Variants in PGAP1 observed in about 807,000 individuals in gnomAD.
PGAP1 encodes post-GPI attachment to proteins inositol deacylase 1, also known as GPI inositol-deacylase.
A neutral mutation model predicts 127.0 loss-of-function variants in PGAP1; 76 were observed. The observed-to-expected ratio is 0.60, with a 90% CI of 0.50 to 0.72. PGAP1 has a LOEUF of 0.72. PGAP1 is among the 30% of genes least tolerant of loss of function. PGAP1 has a pLI of 0.00. For synonymous variants in PGAP1, 362 were observed against 366.5 expected (o/e 0.99, Z 0.14); for missense variants, 982 against 1,071.3 (o/e 0.92, Z 1.16).
At chr2:196,900,828 G>A (rs1249425678) in intron 5 of PGAP1, among the ~76,000 whole-genome samples, 1 of 152,218 alleles carries the variant, frequency 6.6e-6, no homozygotes, top group East Asian at 1.9e-4. Context: ...TCGGGAGGCT[G>A]AGGCAGGAGA....
chr2:196,904,735 A>G (rs1559366183), intron 4 of PGAP1, among the ~76,000 whole-genome samples: 4 of 152,114 alleles, frequency 2.6e-5, no homozygotes, highest in African/African-American at 9.7e-5. Flanking sequence ...AAAAAAAAAA[A>G]TAAATAAAAG....
chr2:196,889,535 G>C (rs1702027646), intron 10 of PGAP1, among the ~76,000 whole-genome samples: 1 of 151,356 alleles, frequency 6.6e-6, no homozygotes, highest in Non-Finnish European at 1.5e-5. Context: ...AAAAAAATCA[G>C]AATAGAGGAA....
chr2:196,854,090 T>A (rs1700800294), intron 20 of PGAP1, among the ~76,000 whole-genome samples: 1 of 151,770 alleles, frequency 6.6e-6, no homozygotes, highest in African/African-American at 2.4e-5. Flanking sequence ...ACAGAGAGGG[T>A]TTCACCATGT....
chr2:196,848,760 T>C (rs1700632397), intron 20 of PGAP1, among the ~76,000 whole-genome samples: 1 of 152,230 alleles, frequency 6.6e-6, no homozygotes, highest in Admixed American at 6.5e-5. Flanking sequence ...AATACTCCTA[T>C]GAACATTTGC....
chr2:196,902,071 G>A (rs186204652), intron 5 of PGAP1, among the ~76,000 whole-genome samples: 1 of 152,078 alleles, frequency 6.6e-6, no homozygotes, highest in Non-Finnish European at 1.5e-5. Context: ...CCAGGCTGAG[G>A]TGCAGTGATA....
chr2:196,877,078 A>C (rs1173517412), intron 13 of PGAP1, among the ~76,000 whole-genome samples: 2 of 152,046 alleles, frequency 1.3e-5, no homozygotes, highest in Admixed American at 1.3e-4. Context: ...AAAATAATAT[A>C]ATTTTTATTA....
At position 196,898,395 on chromosome 2, in the gene PGAP1, T is replaced by TA. The variant is rs1327329412; in HGVS notation, c.808-27dup. On this transcript the variant is annotated intron_variant, in intron 5 of 26. Transcript: ENST00000354764. ...CTAAAAGAAAAGAAAAAAATAAACT[T>TA]ACGAAAAGCACATTTGTTATTCTCT... The TA allele has an allele frequency of 1.9e-6, 3 of 1,545,856 alleles. No individual in the cohort carries two copies. The South Asian group carries it at 3.4e-5, about 18-fold the overall frequency.
chr2:196,899,786 C>G (rs1452455117), intron 5 of PGAP1, among the ~76,000 whole-genome samples: 1 of 152,166 alleles, frequency 6.6e-6, no homozygotes, highest in African/African-American at 2.4e-5. Context: ...GTAATCCCAA[C>G]ACTGTGGGAG....
intron 20 of PGAP1, among the ~76,000 whole-genome samples, chr2:196,850,896 T>C (rs111507289): frequency 2.0e-5 from 3 of 152,174 alleles, no homozygotes; most frequent in African/African-American, 7.2e-5. Context: ...GGGATGGGGA[T>C]TGGTGGGAAA....
chr2:196,842,937 A>G (rs1000185991), intron 25 of PGAP1, 112 bp from the exon 26 acceptor site: 3 of 452,806 alleles, frequency 6.6e-6, no homozygotes. Flanking sequence ...ATATGGATAT[A>G]AGAGAGCTCT....
intron 22 of PGAP1, among the ~76,000 whole-genome samples, chr2:196,846,243 C>T (rs1267349231): frequency 6.6e-6 from 1 of 152,040 alleles, no homozygotes; most frequent in Non-Finnish European, 1.5e-5. Context: ...AATACTATAG[C>T]TGATACTTGT....
chr2:196,888,043 G>T (rs1018695337), intron 10 of PGAP1, among the ~76,000 whole-genome samples: 1 of 152,098 alleles, frequency 6.6e-6, no homozygotes, highest in African/African-American at 2.4e-5. Flanking sequence ...AGGGAATTCT[G>T]ACTCATTCAT....
At chr2:196,862,566 C>T (rs1025785964) in intron 20 of PGAP1, among the ~76,000 whole-genome samples, 11 of 152,294 alleles carry the variant, frequency 7.2e-5, no homozygotes, top group Admixed American at 1.3e-4. Flanking sequence ...CTAATAAAAA[C>T]TTGCTGGTTT....
At chr2:196,903,560 CAAAAAAAAAAAA>C (rs11312715) in intron 4 of PGAP1, among the ~76,000 whole-genome samples, 9 of 79,326 alleles carry the variant, frequency 1.1e-4, no homozygotes, top group African/African-American at 4.0e-4. Context: ...GACTCTGTCT[CAAAAAAAAAAAA>C]AAAAAAAAAG....
At chr2:196,925,120 C>T (rs909798820) in intron 1 of PGAP1, among the ~76,000 whole-genome samples, 3 of 152,130 alleles carry the variant, frequency 2.0e-5, no homozygotes, top group African/African-American at 7.2e-5. Flanking sequence ...TCTTCTCCTT[C>T]GATAGCATCC....
At chr2:196,870,694 G>A (rs1701383563) in intron 19 of PGAP1, among the ~76,000 whole-genome samples, 1 of 152,176 alleles carries the variant, frequency 6.6e-6, no homozygotes, top group Non-Finnish European at 1.5e-5. Context: ...CCTTAAAGCA[G>A]GGGTGGGCAA....
intron 22 of PGAP1, among the ~76,000 whole-genome samples, chr2:196,846,219 T>C (rs926558707): frequency 2.0e-5 from 3 of 152,170 alleles, no homozygotes; most frequent in Non-Finnish European, 4.4e-5. Flanking sequence ...TGATAACTCC[T>C]CTACCATTTT....
chr2:196,870,119 T>G (rs1260185798), intron 19 of PGAP1, among the ~76,000 whole-genome samples: 1 of 152,232 alleles, frequency 6.6e-6, no homozygotes, highest in Non-Finnish European at 1.5e-5. Flanking sequence ...TAATATTATT[T>G]GCTAATGAAT....
chr2:196,854,107 G>C (rs958265177), intron 20 of PGAP1, among the ~76,000 whole-genome samples: 1 of 151,712 alleles, frequency 6.6e-6, no homozygotes. Context: ...ATGTTGCCCA[G>C]GATAGTCTTG....
Sources: gnomAD v4.1 joint callset for allele counts (sites outside exome capture counted in the v4.1 genomes callset) on GRCh38, gnomAD v4.1.1 for gene constraint, MANE v1.5 for transcripts, NCBI Gene and HGNC (gene_info 2026-07-23, HGNC 2026-07-21) for gene names.